Variants in SGCD observed in about 807,000 individuals in gnomAD.
SGCD encodes the protein delta-sarcoglycan.
SGCD carries 18 observed loss-of-function variants against 36.6 expected under a neutral mutation model. The ratio of observed to expected loss-of-function variants is 0.49; its 90% CI spans 0.34 to 0.73. SGCD has a LOEUF of 0.73. SGCD is among the 30% of genes least tolerant of loss of function. The pLI, the probability that SGCD is intolerant of heterozygous loss-of-function variation, is 0.01. For synonymous variants in SGCD, 133 were observed against 130.6 expected (o/e 1.02, Z -0.12); for missense variants, 387 against 346.7 (o/e 1.12, Z -0.92).
rs147102673 is a variant in SGCD, at chr5:156,434,101, C to T, written c.193-74500C>T. Among the ~76,000 whole-genome samples the T allele has an allele frequency of 7.9e-5, 12 of 152,338 alleles. No homozygotes were observed. In the East Asian group the frequency reaches 2.3e-3, roughly 29 times the overall value. ...GTGCCACTCCTGCAGCTGAGGATAC[C>T]ATCAGAGCCACCTGGAAAGGCAGTA... On this transcript the variant is annotated intron_variant, in intron 3 of 8. Coordinates refer to ENST00000337851, the MANE Select transcript of SGCD (RefSeq NM_000337.6).
the SGCD span, among the ~76,000 whole-genome samples, chr5:155,803,793 GT>G: frequency 1.3e-5 from 2 of 152,208 alleles, no homozygotes; most frequent in African/African-American, 4.8e-5. Context: ...CTGAGGGCAA[GT>G]TTTCGTTCCT....
chr5:156,291,856 T>A (rs1766765809), intron 3 of SGCD, among the ~76,000 whole-genome samples: 1 of 152,172 alleles, frequency 6.6e-6, no homozygotes, highest in South Asian at 2.1e-4. Context: ...ATGCTTATCA[T>A]TTATTTGTGG....
At chr5:155,967,095 C>T (rs1402907675) in intron 1 of SGCD, among the ~76,000 whole-genome samples, 1 of 151,630 alleles carries the variant, frequency 6.6e-6, no homozygotes. Context: ...ATTTTTTTTC[C>T]GAAGCATTTC....
chr5:156,098,639 TACACACACAC>T (rs35247485), intron 1 of SGCD, among the ~76,000 whole-genome samples: 1 of 149,298 alleles, frequency 6.7e-6, no homozygotes, highest in African/African-American at 2.4e-5. Flanking sequence ...TGCATGTGTA[TACACACACAC>T]ACACACACAC....
At chr5:156,728,497 C>G (rs576464857) in intron 7 of SGCD, among the ~76,000 whole-genome samples, 1 of 96,924 alleles carries the variant, frequency 1.0e-5, no homozygotes, top group Non-Finnish European at 1.8e-5. Flanking sequence ...GGTGACAGAG[C>G]GAGACTCTGT....
At chr5:155,896,777 A>C (rs776916041) in intron 1 of SGCD, among the ~76,000 whole-genome samples, 2 of 152,318 alleles carry the variant, frequency 1.3e-5, no homozygotes. Flanking sequence ...AAGGATCACC[A>C]TACTGTTTGC....
intron 7 of SGCD, among the ~76,000 whole-genome samples, chr5:156,678,986 A>G (rs146586638): frequency 6.6e-6 from 1 of 152,192 alleles, no homozygotes; most frequent in Non-Finnish European, 1.5e-5. Flanking sequence ...GATTCACATA[A>G]AAGTTCAGAT....
At chr5:156,374,725 G>A (rs945754219) in intron 3 of SGCD, among the ~76,000 whole-genome samples, 3 of 146,874 alleles carry the variant, frequency 2.0e-5, no homozygotes, top group African/African-American at 5.1e-5. Context: ...GCAGTGGTGC[G>A]ATCTTGGCTC....
At chr5:156,265,042 CAT>C (rs140523352) in intron 3 of SGCD, among the ~76,000 whole-genome samples, 4,287 of 152,210 alleles carry the variant, frequency 0.028, 78 homozygotes, top group Non-Finnish European at 0.039. Flanking sequence ...GTGATGATAA[CAT>C]AGCAGCAAAG....
At chr5:155,897,731 T>C (rs1244946647) in intron 1 of SGCD, among the ~76,000 whole-genome samples, 2 of 152,132 alleles carry the variant, frequency 1.3e-5, no homozygotes, top group East Asian at 1.9e-4. Flanking sequence ...CACGTTAGTA[T>C]TGGCCTACAC....
chr5:156,643,199 A>G (rs1434723514), intron 6 of SGCD, among the ~76,000 whole-genome samples: 1 of 151,780 alleles, frequency 6.6e-6, no homozygotes, highest in Non-Finnish European at 1.5e-5. Context: ...CGCCCGGCTA[A>G]TTTTGTATTT....
chr5:155,867,043 G>A (rs551501360), upstream of SGCD, among the ~76,000 whole-genome samples: 34 of 152,276 alleles, frequency 2.2e-4, 1 homozygote, highest in South Asian at 6.2e-4. Flanking sequence ...CCATTTGGCC[G>A]TTTCTAGAGA....
At chr5:155,867,996 T>G (rs1755554019), upstream of SGCD, among the ~76,000 whole-genome samples, 1 of 152,008 alleles carries the variant, frequency 6.6e-6, no homozygotes, top group African/African-American at 2.4e-5. Flanking sequence ...TGGAAAATGT[T>G]CAAAAAGGGC....
intron 3 of SGCD, among the ~76,000 whole-genome samples, chr5:156,317,928 C>G (rs568234605): frequency 6.6e-6 from 1 of 152,286 alleles, no homozygotes; most frequent in Non-Finnish European, 1.5e-5. Context: ...ACCCATTTAT[C>G]TAACTGTAAA....
At chr5:156,380,965 G>A (rs532466888) in intron 3 of SGCD, among the ~76,000 whole-genome samples, 9 of 152,282 alleles carry the variant, frequency 5.9e-5, no homozygotes, top group Admixed American at 5.2e-4. Context: ...CACCGTTTCA[G>A]TAACTTAGGA....
At chr5:156,475,549 C>G (rs1755143158) in intron 3 of SGCD, among the ~76,000 whole-genome samples, 1 of 152,154 alleles carries the variant, frequency 6.6e-6, no homozygotes, top group Non-Finnish European at 1.5e-5. Context: ...GCCCCTGTCT[C>G]CAAGAGAACC....
At position 156,458,609 on chromosome 5, in the gene SGCD, T is replaced by G. The variant is rs999773700; in HGVS notation, c.193-49992T>G. On this transcript the variant is annotated intron_variant, in intron 3 of 8. Transcript: ENST00000337851. Reference sequence around the variant, plus strand: ...ACATCTCTAAACCTCAGATTTTTATTTGTAAAAATGAAAAAAATACAATAT... The same window carrying G: ...ACATCTCTAAACCTCAGATTTTTATGTGTAAAAATGAAAAAAATACAATAT... 11 of 681,424 alleles carry G rather than the reference T, an allele frequency of 1.6e-5. No homozygotes were observed. The Middle Eastern group carries it at 1.5e-3, about 95-fold the overall frequency. The allele number at this position is 681,424 out of a possible 1,614,324, so 42.2% of individuals were successfully genotyped here.
chr5:156,702,976 C>T (rs541790955), intron 7 of SGCD, among the ~76,000 whole-genome samples: 56 of 152,296 alleles, frequency 3.7e-4, no homozygotes, highest in Middle Eastern at 3.4e-3. Flanking sequence ...ATTTGGTCTC[C>T]CTAAGCTCTG....
chr5:156,181,453 T>C (rs904014350), intron 3 of SGCD, among the ~76,000 whole-genome samples: 23 of 152,194 alleles, frequency 1.5e-4, no homozygotes, highest in African/African-American at 5.3e-4. Flanking sequence ...GAGACTTTAT[T>C]CAAAGGGATT....
Sources: gnomAD v4.1 joint callset for allele counts (sites outside exome capture counted in the v4.1 genomes callset) on GRCh38, gnomAD v4.1.1 for gene constraint, MANE v1.5 for transcripts, NCBI Gene and HGNC (gene_info 2026-07-23, HGNC 2026-07-21) for gene names.